AMMECR1: variants seen among roughly 807,000 people sequenced by gnomAD.
AMMECR1 encodes the protein nuclear protein AMMECR1.
Under a neutral mutation model 22.5 loss-of-function variants are expected in AMMECR1, and 3 were observed. That is an observed-to-expected ratio of 0.13 (90% CI 0.06 to 0.35). The LOEUF (loss-of-function observed/expected upper bound fraction) is 0.35. Ranked by LOEUF, AMMECR1 falls within the 10% of genes least tolerant of loss-of-function variation. The probability of loss-of-function intolerance (pLI) is 1.00; values close to 1 mark genes in which losing one functional copy is unlikely to be tolerated. For synonymous variants in AMMECR1, 130 were observed against 116.7 expected, an observed-to-expected ratio of 1.11 and a Z score of -0.74; for missense variants, 235 against 278.7, an observed-to-expected ratio of 0.84 and a Z score of 1.12.
intron 2 of AMMECR1, among the ~76,000 whole-genome samples, chrX:110,375,599 C>T (rs2068371081): frequency 1.8e-5 from 2 of 111,755 alleles, no homozygotes; most frequent in African/African-American, 6.5e-5. Context: ...CCCTGCCTGC[C>T]TCACAGAGTT....
chrX:110,338,965 A>G (rs2068151203), intron 2 of AMMECR1, among the ~76,000 whole-genome samples: 1 of 111,740 alleles, frequency 8.9e-6, no homozygotes, highest in Non-Finnish European at 1.9e-5. Flanking sequence ...GGAATAAAAC[A>G]TAAATATGGT....
intron 1 of AMMECR1, among the ~76,000 whole-genome samples, chrX:110,438,390 G>A (rs1384548213): frequency 1.8e-5 from 2 of 111,821 alleles, no homozygotes; most frequent in East Asian, 5.5e-4. Context: ...TCAGGCTTCT[G>A]CCAAGACAGG....
At chrX:110,313,831 T>G (rs2068035417) in intron 1 of AMMECR1, among the ~76,000 whole-genome samples, 1 of 111,635 alleles carries the variant, frequency 9.0e-6, no homozygotes, top group South Asian at 3.7e-4. Flanking sequence ...ATGAACATGC[T>G]AAAGCATAGT....
At chrX:110,366,440 G>C (rs2068297832) in intron 2 of AMMECR1, among the ~76,000 whole-genome samples, 1 of 111,648 alleles carries the variant, frequency 9.0e-6, no homozygotes, top group Admixed American at 9.5e-5. Flanking sequence ...TAGTGGTTCT[G>C]AAAAATGCAA....
At chrX:110,223,716 A>G (rs916997874) in intron 2 of AMMECR1, among the ~76,000 whole-genome samples, 1 of 112,347 alleles carries the variant, frequency 8.9e-6, no homozygotes, top group Non-Finnish European at 1.9e-5. Context: ...AGACCCATCA[A>G]AAGTGTGTCT....
At chrX:110,271,599 T>A (rs2067798805) in intron 1 of AMMECR1, among the ~76,000 whole-genome samples, 1 of 111,834 alleles carries the variant, frequency 8.9e-6, no homozygotes, top group African/African-American at 3.3e-5. Flanking sequence ...AAAAAATTAG[T>A]CCCAGATTTG....
intron 2 of AMMECR1, among the ~76,000 whole-genome samples, chrX:110,244,106 C>T (rs1310559078): frequency 1.8e-5 from 2 of 111,882 alleles, no homozygotes; most frequent in East Asian, 5.6e-4. Flanking sequence ...CCATCTTCAA[C>T]TCTTCCCTTT....
chrX:110,404,467 G>A (rs1175376979), intron 2 of AMMECR1, among the ~76,000 whole-genome samples: 1 of 111,917 alleles, frequency 8.9e-6, no homozygotes, highest in Non-Finnish European at 1.9e-5. Context: ...CAAACTCCAG[G>A]GGCATGAACA....
chrX:110,243,103 T>C (rs758886800), intron 2 of AMMECR1, among the ~76,000 whole-genome samples: 1 of 112,428 alleles, frequency 8.9e-6, no homozygotes, highest in South Asian at 3.7e-4. Context: ...TAGCTATTCA[T>C]TTTCACTGCA....
At chrX:110,438,454 C>T (rs996597535) in intron 1 of AMMECR1, among the ~76,000 whole-genome samples, 1 of 111,492 alleles carries the variant, frequency 9.0e-6, no homozygotes, top group Non-Finnish European at 1.9e-5. Flanking sequence ...CACCCCAGCA[C>T]TCAGGGCTTT....
intron 2 of AMMECR1, among the ~76,000 whole-genome samples, chrX:110,259,827 G>A (rs1275544062): frequency 2.7e-5 from 3 of 110,418 alleles, no homozygotes; most frequent in Non-Finnish European, 5.7e-5. Context: ...TCCTGACCTC[G>A]TGATCCGCTG....
chrX:110,364,835 AG>A (rs1397119774), intron 2 of AMMECR1, among the ~76,000 whole-genome samples: 1 of 112,295 alleles, frequency 8.9e-6, no homozygotes, highest in East Asian at 2.8e-4. Flanking sequence ...AAGAGCTTAC[AG>A]GGGGAATTTT....
In AMMECR1 at chrX:110,391,796, C is replaced by T. The variant is rs143544506; in HGVS notation, c.-148+34862G>A. ...AGATGTTGGCAAGTAGTACTTGGAC[C>T]GAACAGCATAGTCGTTGAACAGCAT... On this transcript the variant is annotated intron_variant, in intron 2 of 7. Transcript: ENST00000372057. Among the ~76,000 whole-genome samples, 206 of 112,174 alleles carry T rather than the reference C, an allele frequency of 1.8e-3. No homozygotes were observed. The East Asian group carries it at 0.027, about 15-fold the overall frequency.
intron 2 of AMMECR1, among the ~76,000 whole-genome samples, chrX:110,374,216 C>T (rs1257491383): frequency 8.9e-6 from 1 of 112,065 alleles, no homozygotes; most frequent in African/African-American, 3.2e-5. Context: ...CAGGGTGAAA[C>T]TGTAGAACAT....
chrX:110,384,555 T>C (rs1278875597), intron 2 of AMMECR1, among the ~76,000 whole-genome samples: 5 of 111,800 alleles, frequency 4.5e-5, no homozygotes, highest in Non-Finnish European at 7.5e-5. Flanking sequence ...TTTACTTGAA[T>C]GAATGAACCC....
rs1215157041 is a variant in AMMECR1, at chrX:110,195,299, T to G, written c.*3221A>C. The G allele has an allele frequency of 2.7e-5, 3 of 111,607 alleles. No individual in the cohort carries two copies. In the Admixed American group the frequency reaches 2.9e-4, roughly 11 times the overall value. 9.2% of individuals were successfully genotyped at this position (111,607 alleles called of 1,213,427 possible). Reference sequence around the variant, plus strand: ...CTTGCACTTCCTCCATCAATTTCACTGACCTCTCGTGTTAGGGGAGACTAC... The same window carrying G: ...CTTGCACTTCCTCCATCAATTTCACGGACCTCTCGTGTTAGGGGAGACTAC... On this transcript the variant is annotated 3_prime_UTR_variant, in exon 6 of 6. Coordinates refer to ENST00000262844, the MANE Select transcript of AMMECR1 (RefSeq NM_015365.3).
Position 110,264,481 on chromosome X carries a change from G to T in AMMECR1, c.584+8C>A. On this transcript the variant is annotated splice_region_variant and intron_variant, in intron 2 of 5. Transcript: ENST00000262844. ...GTAAAAGCAGAGGTAACAAAAATTG[G>T]TCTTCACCTGGTAAGTGTGTACTCC... 1 of 1,121,973 alleles carries T rather than the reference G, an allele frequency of 8.9e-7. No homozygotes were observed. The highest frequency in any genetic ancestry group is 1.2e-6 in the Non-Finnish European group (1 of 832,016). The allele number at this position is 1,121,973 out of a possible 1,213,427, so 92.5% of individuals were successfully genotyped here.
rs1305580094 is a variant in AMMECR1 at position 110,370,467 on chromosome X, C to T, written c.-147-52618G>A. On this transcript the variant is annotated intron_variant, in intron 2 of 7. Transcript: ENST00000372057. The stretch of plus-strand genomic sequence containing the variant: ...CATGTGATCCACCCGCCTAGGCCTC[C>T]CAAAGTGCTGGGATTACAAGCGTGA... Among the ~76,000 whole-genome samples, 6 of 112,379 alleles carry T rather than the reference C, an allele frequency of 5.3e-5. No homozygotes were observed. In the South Asian group the frequency reaches 1.9e-3, roughly 35 times the overall value.
At chrX:110,343,530 T>C (rs2068174346) in intron 2 of AMMECR1, among the ~76,000 whole-genome samples, 1 of 110,874 alleles carries the variant, frequency 9.0e-6, no homozygotes, top group East Asian at 2.8e-4. Context: ...GGGTATTCAA[T>C]TAGGAAAAGA....
Sources: allele counts gnomAD v4.1 joint callset (sites outside exome capture counted in the v4.1 genomes callset), GRCh38; gene constraint gnomAD v4.1.1; transcripts MANE v1.5; gene names NCBI Gene and HGNC (gene_info 2026-07-23, HGNC 2026-07-21).